The following GPHN variants were observed in gnomAD, a reference collection of about 807,000 sequenced individuals.
GPHN encodes the protein gephyrin.
A neutral mutation model predicts 95.5 loss-of-function variants in GPHN; 17 were observed. The observed-to-expected ratio is 0.18, with a 90% CI of 0.12 to 0.27. The LOEUF (loss-of-function observed/expected upper bound fraction) is 0.27. GPHN is among the 10% of genes least tolerant of loss of function. The pLI, the probability that GPHN is intolerant of heterozygous loss-of-function variation, is 1.00. For synonymous variants in GPHN, 320 were observed against 322.5 expected (o/e 0.99, Z 0.08); for missense variants, 660 against 978.1 (o/e 0.67, Z 4.34).
the GPHN span, chr14:67,382,641 G>A: frequency 6.2e-7 from 1 of 1,601,472 alleles, no homozygotes; most frequent in Non-Finnish European, 8.6e-7. Flanking sequence ...TTCCTAAAAG[G>A]AGTTCTTGTA....
the GPHN span, chr14:67,557,228 T>G: frequency 6.3e-7 from 1 of 1,589,268 alleles, no homozygotes; most frequent in Non-Finnish European, 8.6e-7. Context: ...ACACCCCGTG[T>G]GAGTGATGGG....
At chr14:66,545,575 C>CA (rs2059541879) in intron 1 of GPHN, among the ~76,000 whole-genome samples, 1 of 97,080 alleles carries the variant, frequency 1.0e-5, no homozygotes, top group Non-Finnish European at 1.7e-5. Flanking sequence ...CCCCCCACCT[C>CA]CCTCCCGGAC....
intron 2 of GPHN, among the ~76,000 whole-genome samples, chr14:66,759,005 T>C (rs954120729): frequency 6.6e-6 from 1 of 152,230 alleles, no homozygotes; most frequent in Non-Finnish European, 1.5e-5. Context: ...AAACAAATCA[T>C]GATAGGACTG....
chr14:67,013,419 C>A (rs987333375), intron 9 of GPHN, among the ~76,000 whole-genome samples: 1 of 152,038 alleles, frequency 6.6e-6, no homozygotes, highest in Non-Finnish European at 1.5e-5. Flanking sequence ...ATAATCTGAC[C>A]TATATTGCTC....
At chr14:67,355,025 T>TG in the GPHN span, among the ~76,000 whole-genome samples, 1 of 152,152 alleles carries the variant, frequency 6.6e-6, no homozygotes, top group Non-Finnish European at 1.5e-5. Flanking sequence ...TTGGTCAGGC[T>TG]GGTCTCGAAC....
At chr14:67,068,253 A>T (rs1431663481) in intron 11 of GPHN, among the ~76,000 whole-genome samples, 1 of 152,214 alleles carries the variant, frequency 6.6e-6, no homozygotes, top group Non-Finnish European at 1.5e-5. Flanking sequence ...ACGTGTTTGC[A>T]TGTATAAAGT....
intron 1 of GPHN, among the ~76,000 whole-genome samples, chr14:66,657,214 C>A (rs554800349): frequency 1.3e-5 from 2 of 152,282 alleles, no homozygotes; most frequent in South Asian, 2.1e-4. Context: ...AGGGCAAGGC[C>A]CGAATTCTCT....
At chr14:67,298,700 G>C in the GPHN span, among the ~76,000 whole-genome samples, 50 of 152,256 alleles carry the variant, frequency 3.3e-4, no homozygotes, top group Non-Finnish European at 4.3e-4. Context: ...AAATGAGTGT[G>C]TTTTATTGTA....
At chr14:67,695,726 A>G in the GPHN span, 12 of 1,611,538 alleles carry the variant, frequency 7.4e-6, no homozygotes, top group African/African-American at 1.2e-4. Flanking sequence ...CAGCGGCACC[A>G]GAGCGGGATG....
chr14:67,057,914 A>G (rs556391641), intron 10 of GPHN, among the ~76,000 whole-genome samples: 79 of 152,374 alleles, frequency 5.2e-4, no homozygotes, highest in African/African-American at 1.7e-3. Flanking sequence ...AAGCATATTC[A>G]ACAGATAAAA....
chr14:67,678,445 A>G, the GPHN span: 3 of 1,525,696 alleles, frequency 2.0e-6, no homozygotes, highest in Non-Finnish European at 2.7e-6. Flanking sequence ...AGAGAAAGGT[A>G]TGAAGCACAG....
intron 8 of GPHN, among the ~76,000 whole-genome samples, chr14:66,924,496 A>G (rs534793574): frequency 1.3e-5 from 2 of 152,346 alleles, no homozygotes; most frequent in South Asian, 2.1e-4. Flanking sequence ...GTACTCTGCT[A>G]TCATTAAGAT....
chr14:67,247,191 T>C, the GPHN span, among the ~76,000 whole-genome samples: 8 of 152,242 alleles, frequency 5.3e-5, no homozygotes, highest in Non-Finnish European at 7.3e-5. Context: ...GCTATTTCTT[T>C]CCATTTATGT....
intron 11 of GPHN, among the ~76,000 whole-genome samples, chr14:67,069,612 A>G (rs569346582): frequency 4.7e-4 from 71 of 152,344 alleles, no homozygotes; most frequent in African/African-American, 1.6e-3. Flanking sequence ...TAGGTCAAAG[A>G]CACTGAAGTC....
intron 4 of GPHN, among the ~76,000 whole-genome samples, chr14:66,865,376 A>G (rs919889977): frequency 1.3e-5 from 2 of 152,112 alleles, no homozygotes; most frequent in African/African-American, 2.4e-5. Context: ...TGCAGTACCT[A>G]CTGCATACCC....
chr14:67,579,726 T>C, the GPHN span: 1 of 1,612,610 alleles, frequency 6.2e-7, no homozygotes, highest in Non-Finnish European at 8.5e-7. Context: ...CTCAGGTGGT[T>C]GGTTTTGACG....
chr14:67,607,119 A>G, the GPHN span, among the ~76,000 whole-genome samples: 1 of 152,066 alleles, frequency 6.6e-6, no homozygotes, highest in South Asian at 2.1e-4. Context: ...TTAAAATTTG[A>G]GAAGTATATA....
At chr14:67,548,468 C>T in the GPHN span, among the ~76,000 whole-genome samples, 4 of 152,170 alleles carry the variant, frequency 2.6e-5, no homozygotes, top group East Asian at 1.9e-4. Flanking sequence ...GAGGCCAAGG[C>T]GGGCAGATCA....
intron 1 of GPHN, among the ~76,000 whole-genome samples, chr14:66,600,505 C>T (rs976391330): frequency 1.6e-4 from 24 of 152,012 alleles, no homozygotes; most frequent in African/African-American, 5.6e-4. Context: ...TTTTTGTTCA[C>T]CTATCAATAC....
Sources: allele counts gnomAD v4.1 joint callset (sites outside exome capture counted in the v4.1 genomes callset), GRCh38; gene constraint gnomAD v4.1.1; transcripts MANE v1.5; gene names NCBI Gene and HGNC (gene_info 2026-07-23, HGNC 2026-07-21).